PLA2G4E: variants seen among roughly 807,000 people sequenced by gnomAD.
The protein encoded by PLA2G4E is phospholipase A2 group IVE, also known as cytosolic phospholipase A2 epsilon.
Under a neutral mutation model 109.1 loss-of-function variants are expected in PLA2G4E, and 84 were observed. That is an observed-to-expected ratio of 0.77 (90% CI 0.65 to 0.92). The LOEUF (loss-of-function observed/expected upper bound fraction) is 0.92. Among genes scored for constraint, PLA2G4E ranks in the 40% least tolerant of loss-of-function variants. The pLI is 0.00. For missense variants in PLA2G4E, 1,057 were observed against 1,076.6 expected, an observed-to-expected ratio of 0.98 and a Z score of 0.25; for synonymous variants, 469 against 436.1, an observed-to-expected ratio of 1.08 and a Z score of -0.94.
chr15:41,999,907 A>G lies in PLA2G4E; in HGVS notation c.936+10T>C. The G allele has an allele frequency of 6.2e-7, 1 of 1,603,948 alleles. No individual in the cohort carries two copies. The highest frequency in any genetic ancestry group is 1.1e-5 in the South Asian group (1 of 89,030). On this transcript the variant is annotated intron_variant, in intron 9 of 19. Transcript: ENST00000399518. The stretch of plus-strand genomic sequence containing the variant: ...TAAGTCAGGGGCCCTTCCCAGACTC[A>G]GGCACTCACCACAGGCAGGGTCATC...
chr15:42,050,336 G>A (rs1889485560), intron 1 of PLA2G4E, among the ~76,000 whole-genome samples: 1 of 152,210 alleles, frequency 6.6e-6, no homozygotes, highest in African/African-American at 2.4e-5. Context: ...GTTCTTTTGA[G>A]CACAGAGGGA....
chr15:41,986,105 C>T (rs1015633266), intron 17 of PLA2G4E, 100 bp from the exon 18 acceptor site: 76 of 1,293,110 alleles, frequency 5.9e-5, no homozygotes, highest in Admixed American at 8.5e-5. Context: ...GAGCATCCTT[C>T]GCCTCAGCCT....
intron 1 of PLA2G4E, among the ~76,000 whole-genome samples, chr15:42,019,022 G>A (rs2068622879): frequency 6.6e-6 from 1 of 152,212 alleles, no homozygotes; most frequent in African/African-American, 2.4e-5. Flanking sequence ...CGCCAAGGAA[G>A]GCATCATTAT....
At chr15:42,023,213 C>T (rs1399879476) in intron 1 of PLA2G4E, among the ~76,000 whole-genome samples, 1 of 151,756 alleles carries the variant, frequency 6.6e-6, no homozygotes, top group Non-Finnish European at 1.5e-5. Context: ...CTGGAAAACA[C>T]CCAGGTAAGG....
chr15:41,997,153 G>T, exon 11 of PLA2G4E: 1 of 1,568,794 alleles, frequency 6.4e-7, no homozygotes, highest in Non-Finnish European at 8.6e-7. Flanking sequence ...TCCTCCAGCT[G>T]CAGCACCTGC....
chr15:42,042,367 T>C (rs1889330364), intron 1 of PLA2G4E, among the ~76,000 whole-genome samples: 1 of 147,482 alleles, frequency 6.8e-6, no homozygotes, highest in Non-Finnish European at 1.5e-5. Flanking sequence ...ATGATGTTAT[T>C]GGCAATGTTT....
In PLA2G4E at chr15:42,002,537, G is replaced by A. The variant is rs1244027514; in HGVS notation, c.609+117C>T. 4.3e-6 allele frequency: 5 copies of A among 1,174,960 alleles called. No individual in the cohort carries two copies. In the Admixed American group the frequency reaches 8.0e-5, roughly 19 times the overall value. The allele number at this position is 1,174,960 out of a possible 1,614,324, so 72.8% of individuals were successfully genotyped here. On this transcript the variant is annotated intron_variant, in intron 6 of 19. Coordinates refer to ENST00000399518, the Ensembl canonical transcript of PLA2G4E. The stretch of plus-strand genomic sequence containing the variant: ...CCTCGTTTAGTCTAACTCCTGCAGA[G>A]GTCAGGATAGGACAGAGACCAAGCT...
chr15:41,999,419 A>G (rs958561054), intron 10 of PLA2G4E, 105 bp downstream of exon 10: 57 of 814,030 alleles, frequency 7.0e-5, no homozygotes, highest in Non-Finnish European at 1.1e-4. Context: ...GATGTTCAAC[A>G]TCATTAGCCA....
intron 6 of PLA2G4E, among the ~76,000 whole-genome samples, chr15:42,001,520 G>A (rs2068419750): frequency 6.6e-6 from 1 of 152,176 alleles, no homozygotes; most frequent in Non-Finnish European, 1.5e-5. Flanking sequence ...GGAATGTTCA[G>A]CTCTGGGCTT....
chr15:42,041,952 G>A lies in PLA2G4E; in HGVS notation c.183+8569C>T, dbSNP rs1401409532. On this transcript the variant is annotated intron_variant, in intron 1 of 19. Transcript: ENST00000399518. ...ATGATGGGGGTCTGTCTCATGGACG[G>A]GGACAATGGCCATGCGAATTCTCTG... is the stretch of plus-strand genomic sequence containing the variant. Among the ~76,000 whole-genome samples, 5 of 152,200 alleles carry A rather than the reference G, an allele frequency of 3.3e-5. No individual in the cohort carries two copies. In the East Asian group the frequency reaches 9.6e-4, roughly 29 times the overall value.
chr15:42,040,740 G>A (rs139640486), intron 1 of PLA2G4E, among the ~76,000 whole-genome samples: 11 of 152,298 alleles, frequency 7.2e-5, no homozygotes, highest in East Asian at 1.9e-4. Context: ...GTGTATGTCC[G>A]CAGTTCCAGA....
intron 2 of PLA2G4E, among the ~76,000 whole-genome samples, chr15:42,012,620 G>C (rs1442262368): frequency 1.3e-5 from 2 of 152,048 alleles, no homozygotes; most frequent in Non-Finnish European, 2.9e-5. Flanking sequence ...CAGACCCCAG[G>C]CTCTCTGTGC....
At chr15:41,985,633 G>T (rs1353787918) in intron 18 of PLA2G4E, among the ~76,000 whole-genome samples, 2 of 152,260 alleles carry the variant, frequency 1.3e-5, no homozygotes, top group African/African-American at 4.8e-5. Context: ...GTCAACATGG[G>T]CACCATGGTG....
chr15:42,043,169 A>C (rs533536755), intron 1 of PLA2G4E, among the ~76,000 whole-genome samples: 13 of 152,258 alleles, frequency 8.5e-5, no homozygotes, highest in Admixed American at 2.6e-4. Flanking sequence ...GTTACTCTCC[A>C]TCCCACCATG....
At chr15:42,020,465 A>G (rs2068637387) in intron 1 of PLA2G4E, among the ~76,000 whole-genome samples, 1 of 152,136 alleles carries the variant, frequency 6.6e-6, no homozygotes, top group South Asian at 2.1e-4. Context: ...TTGACTGTAA[A>G]CCCAGGTGGG....
At chr15:41,988,110 G>T (rs374023742) in exon 16 of PLA2G4E, 3 of 1,607,666 alleles carry the variant, frequency 1.9e-6, no homozygotes, top group Non-Finnish European at 2.5e-6. Flanking sequence ...TGTGTGACAG[G>T]TTCCAGGCAT....
At chr15:41,995,367 C>T (rs916161180) in exon 12 of PLA2G4E, 4 of 1,613,222 alleles carry the variant, frequency 2.5e-6, no homozygotes, top group Admixed American at 1.7e-5. Flanking sequence ...TACCAGGTGG[C>T]CCCTGATAGA....
intron 2 of PLA2G4E, chr15:42,010,132 G>GGGGGGGCCCC: frequency 2.5e-6 from 1 of 407,100 alleles, no homozygotes; most frequent in South Asian, 2.2e-5. Flanking sequence ...CAGAACACTG[G>GGGGGGGCCCC]CCCCCCCACC....
chr15:41,997,376 G>C (rs2068359836), intron 10 of PLA2G4E, 117 bp from the exon 11 acceptor site: 12 of 1,194,640 alleles, frequency 1.0e-5, no homozygotes, highest in East Asian at 2.9e-5. Flanking sequence ...GACCACTTCT[G>C]TGACCTTGGG....
Sources: allele counts gnomAD v4.1 joint callset (sites outside exome capture counted in the v4.1 genomes callset), GRCh38; gene constraint gnomAD v4.1.1; transcripts MANE v1.5; gene names NCBI Gene and HGNC (gene_info 2026-07-23, HGNC 2026-07-21).